The following CCSER2 variants were observed in gnomAD, a reference collection of about 807,000 sequenced individuals.
The protein encoded by CCSER2 is coiled-coil serine rich protein 2, also known as serine-rich coiled-coil domain-containing protein 2.
Under a neutral mutation model 92.3 loss-of-function variants are expected in CCSER2, and 46 were observed. The ratio of observed to expected loss-of-function variants is 0.50; its 90% CI spans 0.39 to 0.64. CCSER2 has a LOEUF of 0.64. Ranked by LOEUF, CCSER2 falls within the 30% of genes least tolerant of loss-of-function variation. CCSER2 has a pLI of 0.00. For synonymous variants in CCSER2, 433 were observed against 431.4 expected (o/e 1.00, Z -0.04); for missense variants, 1,244 against 1,238.9 (o/e 1.00, Z -0.06).
intron 1 of CCSER2, among the ~76,000 whole-genome samples, chr10:84,331,229 T>G (rs998347628): frequency 2.0e-5 from 3 of 152,192 alleles, no homozygotes; most frequent in Non-Finnish European, 2.9e-5. Context: ...CACTACTCCA[T>G]GGTGCTTTGG....
intron 1 of CCSER2, among the ~76,000 whole-genome samples, chr10:84,357,560 C>G (rs1430078694): frequency 6.6e-6 from 1 of 151,706 alleles, no homozygotes; most frequent in Non-Finnish European, 1.5e-5. Context: ...CGCCATTCTC[C>G]AGCCTCAGCC....
intron 3 of CCSER2, among the ~76,000 whole-genome samples, chr10:84,395,996 C>G (rs1841809567): frequency 6.6e-6 from 1 of 152,018 alleles, no homozygotes; most frequent in Non-Finnish European, 1.5e-5. Flanking sequence ...TACACACACA[C>G]TTCTCTTCTA....
chr10:84,404,013 C>T (rs1372421092), intron 3 of CCSER2, among the ~76,000 whole-genome samples: 2 of 152,176 alleles, frequency 1.3e-5, no homozygotes, highest in Non-Finnish European at 2.9e-5. Flanking sequence ...TCTAAACCAA[C>T]AATCTTTGAA....
At chr10:84,503,093 G>A (rs1009048425) in intron 9 of CCSER2, among the ~76,000 whole-genome samples, 6 of 151,956 alleles carry the variant, frequency 3.9e-5, no homozygotes, top group Middle Eastern at 3.2e-3. Context: ...GCGTGGTGGC[G>A]GGTGCCTGTA....
chr10:84,408,639 G>A (rs1175523484), intron 3 of CCSER2, among the ~76,000 whole-genome samples: 1 of 152,148 alleles, frequency 6.6e-6, no homozygotes, highest in African/African-American at 2.4e-5. Context: ...ATAAAATGTA[G>A]CATTTAGTTG....
rs1314843194 is a variant in CCSER2 at position 84,513,486 on chromosome 10, C to T, written c.2363C>T (p.Pro788Leu). Residue 788 changes from proline (P) to leucine (L), a missense_variant, in exon 10 of 10, where the codon CCC becomes CTC. Transcript: ENST00000372088. ...CAGCCTTCCAGCAGCCTTCCCAGACCCACAGATCACACCCAGGGAAAACTA... is the reference window on the plus strand; with the variant it reads ...CAGCCTTCCAGCAGCCTTCCCAGACTCACAGATCACACCCAGGGAAAACTA... Reference protein sequence around the residue: ...VLQPSSSLPRPTDHTQGKLIK... With the variant: ...VLQPSSSLPRLTDHTQGKLIK... The T allele has an allele frequency of 6.2e-7, 1 of 1,613,540 alleles. No individual in the cohort carries two copies. Among genetic ancestry groups the T allele is most frequent in the Non-Finnish European group, 8.5e-7 (1 of 1,179,784 alleles).
chr10:84,392,445 A>G (rs1233991152), intron 3 of CCSER2, among the ~76,000 whole-genome samples: 1 of 152,120 alleles, frequency 6.6e-6, no homozygotes, highest in Non-Finnish European at 1.5e-5. Context: ...AAGAGGAACA[A>G]TTCTATAGCG....
At chr10:84,465,133 A>G (rs1351613752) in intron 7 of CCSER2, among the ~76,000 whole-genome samples, 1 of 151,524 alleles carries the variant, frequency 6.6e-6, no homozygotes, top group Non-Finnish European at 1.5e-5. Context: ...CACTCAGTTG[A>G]GAACCATTGA....
rs750012069 is a variant in CCSER2 at position 84,371,034 on chromosome 10, C to G, written c.-19C>G. Reference sequence around the variant, plus strand: ...CACAGATTCTTTCAACTTTTAAGAACAAATGCACCTTATAGCTCATGGAAG... The same window carrying G: ...CACAGATTCTTTCAACTTTTAAGAAGAAATGCACCTTATAGCTCATGGAAG... On this transcript the variant is annotated 5_prime_UTR_variant, in exon 2 of 10. Coordinates refer to ENST00000372088, the MANE Select transcript of CCSER2 (RefSeq NM_001284240.2). The G allele has an allele frequency of 4.0e-6, 6 of 1,501,310 alleles. No individual in the cohort carries two copies. The highest frequency in any genetic ancestry group is 5.4e-6 in the Non-Finnish European group (6 of 1,118,674). The allele number at this position is 1,501,310 out of a possible 1,614,324, so 93.0% of individuals were successfully genotyped here.
At chr10:84,425,666 C>T (rs1051214709) in intron 4 of CCSER2, 65 bp from the exon 5 acceptor site, 2 of 1,101,980 alleles carry the variant, frequency 1.8e-6, no homozygotes, top group East Asian at 5.6e-5. Context: ...AATTATCAAG[C>T]TATAAGAGTC....
intron 1 of CCSER2, among the ~76,000 whole-genome samples, chr10:84,356,234 A>G (rs1481656046): frequency 6.6e-6 from 1 of 152,158 alleles, no homozygotes; most frequent in African/African-American, 2.4e-5. Flanking sequence ...GATGGTTATT[A>G]TAATTAATTC....
chr10:84,442,518 T>C (rs1339223482), intron 6 of CCSER2, among the ~76,000 whole-genome samples: 1 of 152,244 alleles, frequency 6.6e-6, no homozygotes, highest in Non-Finnish European at 1.5e-5. Context: ...CAGAGGGATA[T>C]GCTCTAAGGT....
intron 3 of CCSER2, among the ~76,000 whole-genome samples, chr10:84,381,806 T>C (rs1278224987): frequency 6.6e-6 from 1 of 151,396 alleles, no homozygotes; most frequent in African/African-American, 2.4e-5. Context: ...CACGTGCCTG[T>C]AGTCCCAGCT....
chr10:84,449,459 C>A (rs1180537847), intron 6 of CCSER2, among the ~76,000 whole-genome samples: 1 of 152,154 alleles, frequency 6.6e-6, no homozygotes, highest in Non-Finnish European at 1.5e-5. Context: ...GGAAAAGTTG[C>A]TTAAACTCTC....
intron 1 of CCSER2, among the ~76,000 whole-genome samples, chr10:84,347,160 A>T (rs1395511791): frequency 1.1e-4 from 17 of 152,230 alleles, no homozygotes; most frequent in Admixed American, 1.1e-3. Flanking sequence ...GAACAAAATG[A>T]AGTCTCCCAT....
At chr10:84,399,085 G>A (rs1841986128) in intron 3 of CCSER2, among the ~76,000 whole-genome samples, 1 of 152,130 alleles carries the variant, frequency 6.6e-6, no homozygotes, top group Admixed American at 6.6e-5. Context: ...TTTTTCACAT[G>A]TGTATATTGT....
intron 7 of CCSER2, among the ~76,000 whole-genome samples, chr10:84,469,502 G>T (rs567491570): frequency 1.3e-5 from 2 of 152,222 alleles, no homozygotes; most frequent in African/African-American, 4.8e-5. Flanking sequence ...TGTTCCCGAT[G>T]TAGCTAAAGG....
At chr10:84,414,882 T>C (rs1188287213) in intron 3 of CCSER2, among the ~76,000 whole-genome samples, 4 of 152,210 alleles carry the variant, frequency 2.6e-5, no homozygotes, top group African/African-American at 9.7e-5. Flanking sequence ...CTGCTTGTTT[T>C]ATTTCAGCAA....
intron 5 of CCSER2, among the ~76,000 whole-genome samples, chr10:84,435,654 A>C (rs1844065647): frequency 6.9e-6 from 1 of 145,952 alleles, no homozygotes; most frequent in South Asian, 2.1e-4. Context: ...AAAAAAAAAA[A>C]AACAAGAACA....
Sources: gnomAD v4.1 joint callset for allele counts (sites outside exome capture counted in the v4.1 genomes callset) on GRCh38, gnomAD v4.1.1 for gene constraint, MANE v1.5 for transcripts, NCBI Gene and HGNC (gene_info 2026-07-23, HGNC 2026-07-21) for gene names.